SKAP2: variants seen among roughly 807,000 people sequenced by gnomAD.
The protein encoded by SKAP2 is src kinase-associated phosphoprotein 2.
Under a neutral mutation model 54.9 loss-of-function variants are expected in SKAP2, and 28 were observed. The ratio of observed to expected loss-of-function variants is 0.51; its 90% CI spans 0.38 to 0.70. SKAP2 has a LOEUF of 0.70. Among genes scored for constraint, SKAP2 ranks in the 30% least tolerant of loss-of-function variants. The pLI, the probability that SKAP2 is intolerant of heterozygous loss-of-function variation, is 0.00. For synonymous variants in SKAP2, 137 were observed against 134.3 expected, an observed-to-expected ratio of 1.02 and a Z score of -0.14; for missense variants, 356 against 424.1, an observed-to-expected ratio of 0.84 and a Z score of 1.41.
chr7:26,790,153 G>A (rs1783644912), intron 4 of SKAP2, among the ~76,000 whole-genome samples: 2 of 152,122 alleles, frequency 1.3e-5, no homozygotes, highest in Non-Finnish European at 2.9e-5. Context: ...TGAATTATAG[G>A]AGGATTCTTA....
intron 4 of SKAP2, among the ~76,000 whole-genome samples, chr7:26,799,893 T>G (rs1439023565): frequency 6.6e-6 from 1 of 151,382 alleles, no homozygotes; most frequent in South Asian, 2.1e-4. Flanking sequence ...CTGAGGCAGG[T>G]GGATCACGAG....
At chr7:26,661,728 C>T in the SKAP2 span, among the ~76,000 whole-genome samples, 6 of 152,126 alleles carry the variant, frequency 3.9e-5, no homozygotes. Context: ...CAAGGGCTCA[C>T]TAAAATTATT....
intron 3 of SKAP2, among the ~76,000 whole-genome samples, chr7:26,849,850 ATCT>A (rs1384135037): frequency 1.3e-5 from 2 of 152,162 alleles, no homozygotes; most frequent in East Asian, 3.8e-4. Flanking sequence ...ATTAACTTAA[ATCT>A]TCTTGACAAA....
At chr7:26,816,140 A>G (rs1480798380) in intron 4 of SKAP2, among the ~76,000 whole-genome samples, 1 of 152,166 alleles carries the variant, frequency 6.6e-6, no homozygotes, top group African/African-American at 2.4e-5. Context: ...GCTTATAAAA[A>G]GAAGCATTTC....
rs143737768 is a variant in SKAP2 at position 26,689,770 on chromosome 7, G to A, written c.874+515C>T. Among the ~76,000 whole-genome samples the A allele has an allele frequency of 4.7e-3, 715 of 152,278 alleles. 5 individuals are homozygous for A. Among genetic ancestry groups the A allele is most frequent in the African/African-American group, 0.016 (671 of 41,558 alleles). On this transcript the variant is annotated intron_variant, in intron 10 of 12. Coordinates refer to ENST00000345317, the MANE Select transcript of SKAP2 (RefSeq NM_003930.5). Reference sequence around the variant, plus strand: ...ATCAAAGAAGACAGAGCTGTGGGTCGACTGTCAGAGCCTGTGTCAAGTTGA... The same window carrying A: ...ATCAAAGAAGACAGAGCTGTGGGTCAACTGTCAGAGCCTGTGTCAAGTTGA...
At chr7:26,679,850 A>C (rs563636810) in intron 11 of SKAP2, among the ~76,000 whole-genome samples, 19 of 152,334 alleles carry the variant, frequency 1.2e-4, no homozygotes, top group Non-Finnish European at 2.4e-4. Flanking sequence ...ACAATTCACC[A>C]ATCACTGGAA....
At chr7:26,672,410 A>G (rs1186991069) in intron 11 of SKAP2, among the ~76,000 whole-genome samples, 2 of 152,156 alleles carry the variant, frequency 1.3e-5, no homozygotes, top group East Asian at 3.9e-4. Flanking sequence ...AGTGGTAAAC[A>G]GCAGGGAGGA....
intron 4 of SKAP2, among the ~76,000 whole-genome samples, chr7:26,817,605 G>C (rs1784296266): frequency 6.6e-6 from 1 of 152,016 alleles, no homozygotes; most frequent in Non-Finnish European, 1.5e-5. Context: ...AAAACATATA[G>C]ATAGACACAT....
At chr7:26,790,438 G>C (rs772946043) in intron 4 of SKAP2, among the ~76,000 whole-genome samples, 6 of 152,122 alleles carry the variant, frequency 3.9e-5, no homozygotes, top group Admixed American at 6.6e-5. Context: ...TTTACAATAT[G>C]AGTCATAAAA....
Position 26,790,527 on chromosome 7 carries a change from C to T in SKAP2, c.308-50563G>A, listed in dbSNP as rs1050986488. Among the ~76,000 whole-genome samples, 4 of 152,266 alleles carry T rather than the reference C, an allele frequency of 2.6e-5. No homozygotes were observed. In the South Asian group the frequency reaches 8.3e-4, roughly 32 times the overall value. ...GAAGAAATACTAACAAAAGGTTTTA[C>T]CAGTTATAATTCAATTACTGTTGGG... On this transcript the variant is annotated intron_variant, in intron 4 of 12. Coordinates refer to ENST00000345317, the MANE Select transcript of SKAP2 (RefSeq NM_003930.5).
At chr7:26,794,210 G>A (rs1328961077) in intron 4 of SKAP2, among the ~76,000 whole-genome samples, 2 of 152,244 alleles carry the variant, frequency 1.3e-5, no homozygotes, top group East Asian at 1.9e-4. Context: ...AAATTACAAA[G>A]CCAATATATT....
rs544519895 is a variant in SKAP2, at chr7:26,801,198, C to T, written c.307+42832G>A. On this transcript the variant is annotated intron_variant, in intron 4 of 12. Coordinates refer to ENST00000345317, the MANE Select transcript of SKAP2 (RefSeq NM_003930.5). ...TTATCTCTGGGATGCAAGGATGGCT[C>T]AACATATACAAATCAATCAACATGA... Among the ~76,000 whole-genome samples, 6 of 152,200 alleles carry T rather than the reference C, an allele frequency of 3.9e-5. No individual in the cohort carries two copies. In the East Asian group the frequency reaches 1.2e-3, roughly 29 times the overall value.
chr7:26,666,153 A>T (rs74732928), downstream of SKAP2, among the ~76,000 whole-genome samples: 2,724 of 152,176 alleles, frequency 0.018, 80 homozygotes, highest in African/African-American at 0.062. Flanking sequence ...GAGAAGCAAA[A>T]GTGATCTCTA....
chr7:26,769,736 C>T (rs766640239), intron 4 of SKAP2, among the ~76,000 whole-genome samples: 1 of 152,144 alleles, frequency 6.6e-6, no homozygotes, highest in Admixed American at 6.5e-5. Context: ...CCGGAGTTTG[C>T]TGGGGGTCTA....
chr7:26,831,451 A>G (rs1784591251), intron 4 of SKAP2, among the ~76,000 whole-genome samples: 1 of 152,212 alleles, frequency 6.6e-6, no homozygotes, highest in South Asian at 2.1e-4. Flanking sequence ...CCAGTAAAAC[A>G]TATGAGCTAT....
At chr7:26,836,524 C>A (rs770485749) in intron 4 of SKAP2, among the ~76,000 whole-genome samples, 1 of 152,124 alleles carries the variant, frequency 6.6e-6, no homozygotes, top group Non-Finnish European at 1.5e-5. Flanking sequence ...AAAAAGTGGG[C>A]GAAGGATATG....
chr7:26,802,688 C>G (rs962807970), intron 4 of SKAP2, among the ~76,000 whole-genome samples: 2 of 151,974 alleles, frequency 1.3e-5, no homozygotes, highest in African/African-American at 4.8e-5. Context: ...TGAGACCATC[C>G]TGGCCAACAT....
intron 4 of SKAP2, among the ~76,000 whole-genome samples, chr7:26,797,680 T>C (rs1442002881): frequency 6.6e-6 from 1 of 151,994 alleles, no homozygotes; most frequent in Non-Finnish European, 1.5e-5. Flanking sequence ...ATGAATTAAA[T>C]AAGGTGCCAG....
chr7:26,833,032 A>C (rs1019190311), intron 4 of SKAP2, among the ~76,000 whole-genome samples: 1 of 152,182 alleles, frequency 6.6e-6, no homozygotes, highest in African/African-American at 2.4e-5. Flanking sequence ...AGCCTTCTCC[A>C]TGAGCATTGC....
Sources: allele counts gnomAD v4.1 joint callset (sites outside exome capture counted in the v4.1 genomes callset), GRCh38; gene constraint gnomAD v4.1.1; transcripts MANE v1.5; gene names NCBI Gene and HGNC (gene_info 2026-07-23, HGNC 2026-07-21).